NDST3: variants seen among roughly 807,000 people sequenced by gnomAD.
NDST3 encodes the protein N-deacetylase and N-sulfotransferase 3.
Under a neutral mutation model 96.1 loss-of-function variants are expected in NDST3, and 58 were observed. The observed-to-expected ratio is 0.60, with a 90% CI of 0.49 to 0.75. The LOEUF (loss-of-function observed/expected upper bound fraction) is 0.75. NDST3 is among the 30% of genes least tolerant of loss of function. The pLI is 0.00. For synonymous variants in NDST3, 333 were observed against 359.7 expected (o/e 0.93, Z 0.84); for missense variants, 788 against 1,034.2 (o/e 0.76, Z 3.27).
At chr4:118,231,474 AT>A (rs1740293231) in intron 8 of NDST3, among the ~76,000 whole-genome samples, 1 of 151,080 alleles carries the variant, frequency 6.6e-6, no homozygotes, top group Non-Finnish European at 1.5e-5. Flanking sequence ...ATAATACCAT[AT>A]TAATACCATT....
Position 118,088,741 on chromosome 4 carries a change from C to T in NDST3, c.982-16277C>T, listed in dbSNP as rs183004467. ...AAAATACACTTTCTAAGCCAGTGTG[C>T]GTATTTTCATCCATATTTTCAAACA... On this transcript the variant is annotated intron_variant, in intron 2 of 13. Transcript: ENST00000296499. Among the ~76,000 whole-genome samples the T allele has an allele frequency of 2.4e-4, 37 of 152,074 alleles. No individual in the cohort carries two copies. The East Asian group carries it at 5.0e-3, about 21-fold the overall frequency.
chr4:118,194,641 C>T (rs897229406), intron 6 of NDST3: 14 of 686,750 alleles, frequency 2.0e-5, no homozygotes, highest in African/African-American at 1.4e-4. Context: ...TGCCCTCTCT[C>T]GATGACCTTC....
chr4:118,233,527 T>G (rs904039116), intron 9 of NDST3, among the ~76,000 whole-genome samples: 1 of 152,200 alleles, frequency 6.6e-6, no homozygotes, highest in African/African-American at 2.4e-5. Flanking sequence ...TGTAATTTTC[T>G]ATTTTCTTTG....
At chr4:118,040,761 C>T (rs1319768783) in intron 1 of NDST3, among the ~76,000 whole-genome samples, 1 of 151,218 alleles carries the variant, frequency 6.6e-6, no homozygotes, top group Non-Finnish European at 1.5e-5. Flanking sequence ...TGGCTCACTG[C>T]AGCCTCCACC....
chr4:118,199,618 T>C (rs545412007), intron 6 of NDST3, among the ~76,000 whole-genome samples: 2 of 152,292 alleles, frequency 1.3e-5, no homozygotes, highest in East Asian at 1.9e-4. Context: ...TGGATACTTG[T>C]AGGTGTTCAT....
chr4:118,080,440 G>A (rs1482009937), intron 2 of NDST3, among the ~76,000 whole-genome samples: 1 of 152,122 alleles, frequency 6.6e-6, no homozygotes, highest in African/African-American at 2.4e-5. Flanking sequence ...GATCATCCCT[G>A]GGGTATGTCA....
intron 6 of NDST3, among the ~76,000 whole-genome samples, chr4:118,196,287 G>C (rs1409295223): frequency 1.3e-5 from 2 of 152,156 alleles, no homozygotes. Flanking sequence ...ATTCATCAGA[G>C]ATACTGGCCT....
At chr4:118,082,734 G>A (rs1486588852) in intron 2 of NDST3, among the ~76,000 whole-genome samples, 8 of 152,250 alleles carry the variant, frequency 5.3e-5, no homozygotes, top group Admixed American at 3.3e-4. Flanking sequence ...TAAGAGTACT[G>A]TATTAGTCTG....
At chr4:118,189,527 C>T (rs1169192864) in intron 6 of NDST3, among the ~76,000 whole-genome samples, 4 of 152,022 alleles carry the variant, frequency 2.6e-5, no homozygotes, top group Non-Finnish European at 5.9e-5. Flanking sequence ...GGAAGCCTGT[C>T]AAATATGTCA....
intron 6 of NDST3, among the ~76,000 whole-genome samples, chr4:118,216,979 T>C (rs1739232135): frequency 1.3e-5 from 2 of 152,134 alleles, no homozygotes; most frequent in East Asian, 1.9e-4. Flanking sequence ...AATCTAGAGA[T>C]GAATAAAACA....
chr4:118,161,725 A>G (rs1735155552), intron 6 of NDST3, among the ~76,000 whole-genome samples: 1 of 152,124 alleles, frequency 6.6e-6, no homozygotes, highest in Admixed American at 6.5e-5. Flanking sequence ...GCCCGTCGGA[A>G]AAGTGCAGTA....
intron 2 of NDST3, among the ~76,000 whole-genome samples, chr4:118,058,412 C>A (rs1725607976): frequency 1.8e-5 from 2 of 110,964 alleles, no homozygotes; most frequent in African/African-American, 3.5e-5. Flanking sequence ...GTGTTTCATT[C>A]TTTGTGCCAC....
chr4:118,183,449 G>A (rs1736731075), intron 6 of NDST3, among the ~76,000 whole-genome samples: 1 of 151,972 alleles, frequency 6.6e-6, no homozygotes, highest in Admixed American at 6.6e-5. Flanking sequence ...TTCTGGCAGG[G>A]CCTATCCCCA....
chr4:118,136,268 G>A (rs1733083631), intron 4 of NDST3, among the ~76,000 whole-genome samples: 2 of 152,056 alleles, frequency 1.3e-5, no homozygotes, highest in African/African-American at 4.8e-5. Context: ...TAAAATAAAA[G>A]AATACTATTT....
intron 1 of NDST3, among the ~76,000 whole-genome samples, chr4:118,039,721 T>C (rs1724340014): frequency 6.6e-6 from 1 of 151,926 alleles, no homozygotes; most frequent in Non-Finnish European, 1.5e-5. Flanking sequence ...TGAAACCAGA[T>C]GGGGAAGTGG....
intron 3 of NDST3, among the ~76,000 whole-genome samples, chr4:118,111,112 C>T (rs1730599013): frequency 6.6e-6 from 1 of 152,120 alleles, no homozygotes; most frequent in African/African-American, 2.4e-5. Context: ...GAGAACTAAA[C>T]ATCGAGTACT....
intron 6 of NDST3, among the ~76,000 whole-genome samples, chr4:118,150,364 A>G (rs944008735): frequency 3.9e-5 from 6 of 152,162 alleles, no homozygotes; most frequent in Non-Finnish European, 7.4e-5. Flanking sequence ...AGCAATGGCA[A>G]CAAAAGACAA....
intron 11 of NDST3, among the ~76,000 whole-genome samples, 189 bp downstream of exon 11, chr4:118,240,883 T>TA (rs1156636295): frequency 1.3e-5 from 2 of 152,212 alleles, no homozygotes; most frequent in Non-Finnish European, 2.9e-5. Context: ...TATTTCAGAA[T>TA]AATTCTCCCT....
chr4:118,105,905 G>A (rs1301060421), intron 3 of NDST3, among the ~76,000 whole-genome samples: 1 of 152,122 alleles, frequency 6.6e-6, no homozygotes, highest in Admixed American at 6.5e-5. Flanking sequence ...TTTCAAAATG[G>A]TTGTACCTGT....
Sources: allele counts gnomAD v4.1 joint callset (sites outside exome capture counted in the v4.1 genomes callset), GRCh38; gene constraint gnomAD v4.1.1; transcripts MANE v1.5; gene names NCBI Gene and HGNC (gene_info 2026-07-23, HGNC 2026-07-21).